Variants in SLIT2 observed in about 807,000 individuals in gnomAD.
SLIT2 encodes slit guidance ligand 2.
In SLIT2, 41 loss-of-function variants were observed where a neutral mutation model predicts 185.7. The ratio of observed to expected loss-of-function variants is 0.22; its 90% confidence interval spans 0.17 to 0.29. The LOEUF (loss-of-function observed/expected upper bound fraction) is 0.29. SLIT2 is among the 10% of genes least tolerant of loss of function. The pLI is 1.00. For missense variants in SLIT2, 1,571 were observed against 1,909.0 expected (o/e 0.82, Z 3.30); for synonymous variants, 693 against 680.2 (o/e 1.02, Z -0.29).
intron 3 of SLIT2, among the ~76,000 whole-genome samples, chr4:20,265,775 C>T (rs1183675679): frequency 2.0e-5 from 3 of 151,644 alleles, no homozygotes; most frequent in Non-Finnish European, 4.4e-5. Context: ...TTGCTTAGTT[C>T]ATAGATATTT....
chr4:20,584,019 G>A (rs765527871), intron 29 of SLIT2, among the ~76,000 whole-genome samples: 78 of 151,804 alleles, frequency 5.1e-4, no homozygotes, highest in African/African-American at 6.8e-4. Context: ...TATTTTTACC[G>A]CTGAATGAAG....
chr4:20,554,263 A>C (rs950600254), intron 26 of SLIT2: 2 of 503,852 alleles, frequency 4.0e-6, no homozygotes, highest in African/African-American at 3.8e-5. Flanking sequence ...CTAACAAGTC[A>C]AATGTTTTGC....
intron 4 of SLIT2, among the ~76,000 whole-genome samples, chr4:20,295,774 C>T (rs1040647833): frequency 5.3e-5 from 8 of 152,028 alleles, no homozygotes; most frequent in Admixed American, 1.3e-4. Flanking sequence ...TGATGCTCTG[C>T]CGAAAAGGCA....
intron 4 of SLIT2, among the ~76,000 whole-genome samples, chr4:20,401,940 A>C (rs1726396718): frequency 6.6e-6 from 1 of 151,750 alleles, no homozygotes; most frequent in Non-Finnish European, 1.5e-5. Flanking sequence ...ATTTATTTTT[A>C]ATTTTTTAAA....
At chr4:20,523,655 G>T in intron 12 of SLIT2, 105 bp from the exon 13 acceptor site, 1 of 886,516 alleles carries the variant, frequency 1.1e-6, no homozygotes. Flanking sequence ...GTGTTGAGGT[G>T]AAAAGAAATA....
At chr4:20,462,238 C>T (rs1337866385) in intron 4 of SLIT2, among the ~76,000 whole-genome samples, 3 of 152,160 alleles carry the variant, frequency 2.0e-5, no homozygotes, top group African/African-American at 7.2e-5. Flanking sequence ...CAGCTCCCCT[C>T]ATTTCTCTAT....
chr4:20,430,481 T>C (rs973129028), intron 4 of SLIT2, among the ~76,000 whole-genome samples: 1 of 152,232 alleles, frequency 6.6e-6, no homozygotes, highest in Non-Finnish European at 1.5e-5. Context: ...TTTTCCTGGA[T>C]AGCTGGTATG....
chr4:20,527,046 C>T (rs1205782670), intron 15 of SLIT2, among the ~76,000 whole-genome samples: 1 of 152,154 alleles, frequency 6.6e-6, no homozygotes, highest in Non-Finnish European at 1.5e-5. Context: ...ATTATATTTA[C>T]CATCGCAAAC....
chr4:20,571,109 AC>A (rs1725567914), intron 29 of SLIT2, among the ~76,000 whole-genome samples: 1 of 152,102 alleles, frequency 6.6e-6, no homozygotes, highest in Non-Finnish European at 1.5e-5. Flanking sequence ...TATCATAAAT[AC>A]CTAAAGCTTA....
Position 20,596,400 on chromosome 4 carries a change from CT to C in SLIT2, c.3321-14del. ...AAATCGTATTAACTAATTTTTTTTTCTCCTTATTCTTCAGTGGCTTGTTCTG... is the reference window on the plus strand; with the variant it reads ...AAATCGTATTAACTAATTTTTTTTTCCCTTATTCTTCAGTGGCTTGTTCTG... On this transcript the variant is annotated splice_polypyrimidine_tract_variant and intron_variant, in intron 31 of 36. Transcript: ENST00000504154. 1 of 1,593,814 alleles carries C rather than the reference CT, an allele frequency of 6.3e-7. No individual in the cohort carries two copies. The highest frequency in any genetic ancestry group is 1.1e-5 in the South Asian group (1 of 86,996).
Position 20,253,737 on chromosome 4 carries a change from C to G in SLIT2, c.-79C>G. The G allele has an allele frequency of 6.5e-7, 1 of 1,541,606 alleles. No individual in the cohort carries two copies. Among genetic ancestry groups the G allele is most frequent in the Non-Finnish European group, 8.8e-7 (1 of 1,141,732 alleles). On this transcript the variant is annotated 5_prime_UTR_variant, in exon 1 of 37. Coordinates refer to ENST00000504154, the MANE Select transcript of SLIT2 (RefSeq NM_004787.4). ...GCTAGCCCCGCCGGGCACTGGGCCT[C>G]AGACACTGCGCGGTTCCCTCGGAGC...
intron 4 of SLIT2, among the ~76,000 whole-genome samples, chr4:20,396,876 C>T (rs985214238): frequency 3.4e-5 from 5 of 146,218 alleles, no homozygotes; most frequent in African/African-American, 1.2e-4. Flanking sequence ...AATATACACA[C>T]CTAATATATA....
At chr4:20,511,587 A>ATTTTT (rs759622666) in intron 11 of SLIT2, among the ~76,000 whole-genome samples, 2,840 of 82,164 alleles carry the variant, frequency 0.035, 256 homozygotes, top group African/African-American at 0.13. Flanking sequence ...CATCCAGCTA[A>ATTTTT]TTTTTTTTTT....
chr4:20,418,986 A>G (rs568434800), intron 4 of SLIT2, among the ~76,000 whole-genome samples: 2 of 152,324 alleles, frequency 1.3e-5, no homozygotes, highest in East Asian at 3.9e-4. Context: ...AGAGTACGAT[A>G]CTTTCTGTTT....
chr4:20,321,514 C>T (rs369506834), intron 4 of SLIT2, among the ~76,000 whole-genome samples: 1 of 152,150 alleles, frequency 6.6e-6, no homozygotes, highest in Non-Finnish European at 1.5e-5. Flanking sequence ...GACCCAGTGG[C>T]CAAGAGACCT....
intron 8 of SLIT2, chr4:20,490,892 T>C (rs1717726441): frequency 8.6e-7 from 1 of 1,161,464 alleles, no homozygotes; most frequent in Non-Finnish European, 1.2e-6. Flanking sequence ...AATTAGCAGC[T>C]GGCTTGCAGC....
chr4:20,465,563 C>G (rs941589389), intron 4 of SLIT2, among the ~76,000 whole-genome samples: 2 of 152,094 alleles, frequency 1.3e-5, no homozygotes, highest in African/African-American at 4.8e-5. Context: ...ACACATAAAC[C>G]ATTAGCCTTA....
chr4:20,359,149 TGG>T (rs1448418005), intron 4 of SLIT2, among the ~76,000 whole-genome samples: 1 of 152,140 alleles, frequency 6.6e-6, no homozygotes, highest in Non-Finnish European at 1.5e-5. Context: ...TAGTCCACTA[TGG>T]CAATTATGAA....
chr4:20,438,041 T>C (rs1729477208), intron 4 of SLIT2, among the ~76,000 whole-genome samples: 1 of 152,022 alleles, frequency 6.6e-6, no homozygotes. Flanking sequence ...TCCAGAATCA[T>C]TTCTCAACAT....
Sources: gnomAD v4.1 joint callset for allele counts (sites outside exome capture counted in the v4.1 genomes callset) on GRCh38, gnomAD v4.1.1 for gene constraint, MANE v1.5 for transcripts, NCBI Gene and HGNC (gene_info 2026-07-23, HGNC 2026-07-21) for gene names.